Variants in ADCY1 observed in about 807,000 individuals in gnomAD.
ADCY1 encodes the protein adenylate cyclase type 1.
A neutral mutation model predicts 105.4 loss-of-function variants in ADCY1; 28 were observed. The observed-to-expected ratio is 0.27, with a 90% CI of 0.20 to 0.36. The LOEUF (loss-of-function observed/expected upper bound fraction) is 0.36, where lower values mean the gene tolerates loss of function less well. Ranked by LOEUF, ADCY1 falls within the 10% of genes least tolerant of loss-of-function variation. ADCY1 has a pLI of 1.00. For synonymous variants in ADCY1, 655 were observed against 623.8 expected (o/e 1.05, Z -0.75); for missense variants, 977 against 1,434.2 (o/e 0.68, Z 5.15).
chr7:45,689,942 C>G (rs550939267), intron 14 of ADCY1, among the ~76,000 whole-genome samples: 2 of 152,214 alleles, frequency 1.3e-5, no homozygotes, highest in Non-Finnish European at 2.9e-5. Context: ...GAGTCAGAGT[C>G]CAATCACAGG....
chr7:45,627,023 T>G (rs2115950150), intron 4 of ADCY1, among the ~76,000 whole-genome samples: 1 of 152,296 alleles, frequency 6.6e-6, no homozygotes, highest in South Asian at 2.1e-4. Flanking sequence ...ACCCCTGCCC[T>G]CAAAATCAGG....
At chr7:45,595,221 C>A (rs12702151) in intron 2 of ADCY1, among the ~76,000 whole-genome samples, 40,812 of 152,110 alleles carry the variant, frequency 0.27, 6,393 homozygotes, top group East Asian at 0.49. Flanking sequence ...TATAGCAGCC[C>A]AGGCCAACCA....
chr7:45,660,313 G>A, intron 7 of ADCY1, 130 bp downstream of exon 7: 2 of 1,325,110 alleles, frequency 1.5e-6, no homozygotes, highest in South Asian at 2.8e-5. Flanking sequence ...CTAAGATGGG[G>A]AGAGTTGTCC....
chr7:45,655,470 G>A (rs2116091409), intron 5 of ADCY1, among the ~76,000 whole-genome samples: 1 of 152,372 alleles, frequency 6.6e-6, no homozygotes, highest in Non-Finnish European at 1.5e-5. Flanking sequence ...TGGAAATGAA[G>A]TTAAAGGTTC....
At chr7:45,615,696 A>G (rs1319644648) in intron 3 of ADCY1, among the ~76,000 whole-genome samples, 1 of 152,206 alleles carries the variant, frequency 6.6e-6, no homozygotes, top group Non-Finnish European at 1.5e-5. Flanking sequence ...GATGGAACAG[A>G]AGCAGTAATA....
chr7:45,607,404 G>A (rs1456043636), intron 2 of ADCY1, among the ~76,000 whole-genome samples: 1 of 152,182 alleles, frequency 6.6e-6, no homozygotes, highest in African/African-American at 2.4e-5. Flanking sequence ...CCCAACAACA[G>A]CAGGAGAAGA....
intron 12 of ADCY1, 129 bp downstream of exon 12, chr7:45,685,197 G>A (rs2116207962): frequency 1.3e-6 from 1 of 789,504 alleles, no homozygotes; most frequent in Non-Finnish European, 2.2e-6. Flanking sequence ...CAGGCATGGG[G>A]CCCCAAGGAG....
chr7:45,618,534 A>C (rs1793804770), intron 3 of ADCY1, among the ~76,000 whole-genome samples: 1 of 152,184 alleles, frequency 6.6e-6, no homozygotes, highest in Admixed American at 6.5e-5. Context: ...AAAACAAATA[A>C]TCTGATTTTA....
At chr7:45,635,561 G>A (rs1374477520) in intron 4 of ADCY1, among the ~76,000 whole-genome samples, 1 of 52,586 alleles carries the variant, frequency 1.9e-5, no homozygotes, top group East Asian at 5.8e-4. Context: ...TATGTTGTGT[G>A]TTTTTCTAAT....
In ADCY1 at chr7:45,708,226, C is replaced by T. The variant is rs774318594; in HGVS notation, c.2818-124C>T. On this transcript the variant is annotated intron_variant, in intron 17 of 19. Coordinates refer to ENST00000297323, the MANE Select transcript of ADCY1 (RefSeq NM_021116.4). The surrounding 1 kb of genome is among the most constrained non-coding windows in gnomAD (Gnocchi z 4.7). ...CCTGTAGAATGGAATGATAAATGTG[C>T]CTATAGCCAGGCACTCAGAGTGCCT... The T allele has an allele frequency of 1.2e-5, 8 of 652,162 alleles. No individual in the cohort carries two copies. Among genetic ancestry groups the T allele is most frequent in the Non-Finnish European group, 2.0e-5 (7 of 357,112 alleles). The allele number at this position is 652,162 out of a possible 1,614,324, so 40.4% of individuals were successfully genotyped here. A position where few individuals can be genotyped will look rare whatever the true frequency, so the allele number is the denominator to read the frequency against.
At chr7:45,634,503 GTT>G (rs1210107689) in intron 4 of ADCY1, among the ~76,000 whole-genome samples, 2 of 151,114 alleles carry the variant, frequency 1.3e-5, no homozygotes, top group African/African-American at 4.9e-5. Flanking sequence ...GGATCATATG[GTT>G]TTTCTTTTTA....
chr7:45,580,347 C>G (rs944268378), intron 1 of ADCY1, among the ~76,000 whole-genome samples: 2 of 152,188 alleles, frequency 1.3e-5, no homozygotes, highest in Admixed American at 6.5e-5. Context: ...CTTCATGGAC[C>G]GGAGAAGAGC....
intron 3 of ADCY1, among the ~76,000 whole-genome samples, chr7:45,611,857 G>A (rs1793602082): frequency 6.6e-6 from 1 of 152,116 alleles, no homozygotes; most frequent in African/African-American, 2.4e-5. Context: ...GGTTCTTCTG[G>A]ATGTTGGTGT....
chr7:45,628,465 G>A (rs1465762078), intron 4 of ADCY1, among the ~76,000 whole-genome samples: 1 of 152,146 alleles, frequency 6.6e-6, no homozygotes, highest in East Asian at 1.9e-4. Flanking sequence ...TCCCTGTCCT[G>A]GGATCCTTGC....
intron 11 of ADCY1, chr7:45,680,301 G>T: frequency 5.1e-6 from 1 of 196,374 alleles, no homozygotes; most frequent in Non-Finnish European, 1.1e-5. Context: ...ACATTTTCCA[G>T]GTACATTGTG....
Position 45,660,027 on chromosome 7 carries a change from C to T in ADCY1, c.1308-15C>T. ...GGTTCCCCACTCATCTGGCCTCTGC[C>T]TCCTCCTTTTGTAGGAAGGTTCATA... On this transcript the variant is annotated splice_polypyrimidine_tract_variant and intron_variant, in intron 6 of 19. Coordinates refer to ENST00000297323, the MANE Select transcript of ADCY1 (RefSeq NM_021116.4). 3.7e-6 allele frequency: 6 copies of T among 1,613,932 alleles called. No homozygotes were observed. Among genetic ancestry groups the T allele is most frequent in the Non-Finnish European group, 5.1e-6 (6 of 1,179,892 alleles).
chr7:45,683,044 C>T (rs955686933), intron 11 of ADCY1, among the ~76,000 whole-genome samples: 1 of 152,134 alleles, frequency 6.6e-6, no homozygotes, highest in Non-Finnish European at 1.5e-5. Context: ...GCCACAATGG[C>T]CACTTTGTTC....
chr7:45,670,139 A>G (rs1165216903), intron 8 of ADCY1, among the ~76,000 whole-genome samples: 1 of 152,184 alleles, frequency 6.6e-6, no homozygotes, highest in Non-Finnish European at 1.5e-5. Context: ...GACTGTTAAT[A>G]TGGTCAGTGA....
intron 5 of ADCY1, among the ~76,000 whole-genome samples, chr7:45,652,965 T>C (rs1364501415): frequency 6.6e-6 from 1 of 152,236 alleles, no homozygotes; most frequent in Non-Finnish European, 1.5e-5. Flanking sequence ...GCCCCCAGCT[T>C]ACTTGCCCTG....
Sources: allele counts gnomAD v4.1 joint callset (sites outside exome capture counted in the v4.1 genomes callset), GRCh38; gene constraint gnomAD v4.1.1; non-coding constraint Gnocchi (gnomAD v3.1); transcripts MANE v1.5; gene names NCBI Gene and HGNC (gene_info 2026-07-23, HGNC 2026-07-21).